GPAA1: variants seen among roughly 807,000 people sequenced by gnomAD.
The protein encoded by GPAA1 is glycosylphosphatidylinositol anchor attachment 1, also known as GPI-anchor transamidase component GPAA1.
A neutral mutation model predicts 64.0 loss-of-function variants in GPAA1; 54 were observed. That is an observed-to-expected ratio of 0.84 (90% CI 0.68 to 1.06). GPAA1 has a LOEUF of 1.06. GPAA1 is among the 50% of genes least tolerant of loss of function. The pLI, the probability that GPAA1 is intolerant of heterozygous loss-of-function variation, is 0.00. For missense variants in GPAA1, 780 were observed against 822.3 expected, an observed-to-expected ratio of 0.95 and a Z score of 0.63; for synonymous variants, 393 against 377.3, an observed-to-expected ratio of 1.04 and a Z score of -0.48.
At position 144,085,273 on chromosome 8, in the gene GPAA1, C is replaced by T. The variant is rs201194653; in HGVS notation, c.1261-16C>T. On this transcript the variant is annotated splice_polypyrimidine_tract_variant and intron_variant, in intron 9 of 11. Transcript: ENST00000355091. ...TGGCCCCAGGGTCCATCTCCAAGAG[C>T]CTGTGTGCCCTGCAGGGTGTGGGGC... 129 of 1,584,072 alleles carry T rather than the reference C, an allele frequency of 8.1e-5. No individual in the cohort carries two copies. Among genetic ancestry groups the T allele is most frequent in the Non-Finnish European group, 1.0e-4 (121 of 1,163,188 alleles).
chr8:144,083,138 T>C lies in GPAA1; in HGVS notation c.89T>C (p.Val30Ala), dbSNP rs782044661. 4 of 1,612,218 alleles carry C rather than the reference T, an allele frequency of 2.5e-6. No homozygotes were observed. Among genetic ancestry groups the C allele is most frequent in the South Asian group, 1.1e-5 (1 of 91,026 alleles). The part of the protein sequence containing the change: ...LNAPLCVLSY[V>A]AGIAWFLALV... The stretch of plus-strand genomic sequence containing the variant: ...CTCTCTCACAGCGTGCTGAGCTACG[T>C]GGCGGGCATCGCCTGGTTCTTGGCG... The change falls in exon 2 of 12, where the codon GTG (valine) becomes GCG (alanine). Residue 30 changes from valine (V) to alanine (A), a missense_variant. Coordinates refer to ENST00000355091, the MANE Select transcript of GPAA1 (RefSeq NM_003801.4).
At chr8:144,082,987 G>A in intron 1 of GPAA1, 137 bp from the exon 2 acceptor site, 1 of 917,020 alleles carries the variant, frequency 1.1e-6, no homozygotes, top group East Asian at 2.7e-5. Context: ...TAGGGCTCGG[G>A]TCCGGCGTCC....
chr8:144,082,791 A>G lies in GPAA1; in HGVS notation c.61A>G (p.Asn21Asp), dbSNP rs1379131521. The G allele has an allele frequency of 1.4e-6, 2 of 1,465,320 alleles. 1 individual carries two copies. Among genetic ancestry groups the G allele is most frequent in the East Asian group, 6.0e-5 (2 of 33,388 alleles). The allele number at this position is 1,465,320 out of a possible 1,614,324, so 90.8% of individuals were successfully genotyped here. A position where few individuals can be genotyped will look rare whatever the true frequency, so the allele number is the denominator to read the frequency against. The change falls in exon 1 of 12, where the codon AAC (asparagine) becomes GAC (aspartate). Residue 21 changes from asparagine (N) to aspartate (D), a missense_variant. Transcript: ENST00000355091. ...GCTCGCCCGCCTAGTGCTGCGCCTC[A>G]ACGCGCCGTTGTGGTGAGGACAGGG... ...RALARLVLRL[N>D]APLCVLSYVA...
In GPAA1 at chr8:144,085,937, A is replaced by C. The variant is rs1835989212; in HGVS notation, c.1678A>C (p.Ser560Arg). The C allele has an allele frequency of 6.2e-7, 1 of 1,610,348 alleles. No individual in the cohort carries two copies. Among genetic ancestry groups the C allele is most frequent in the South Asian group, 1.1e-5 (1 of 91,072 alleles). ...LTSPAATLLG[S>R]LFLWRELQEA... ...CAGCCCGGCAGCCACGCTCCTTGGCAGCCTGTTCCTGTGGCGGGAGCTGCA... is the reference window on the plus strand; with the variant it reads ...CAGCCCGGCAGCCACGCTCCTTGGCCGCCTGTTCCTGTGGCGGGAGCTGCA... Residue 560 changes from serine to arginine, a missense_variant, in exon 12 of 12, where the codon AGC becomes CGC. Physicochemically the swap from Ser to Arg is moderately radical, Grantham distance 110. Coordinates refer to ENST00000355091, the MANE Select transcript of GPAA1 (RefSeq NM_003801.4).
In GPAA1 at chr8:144,084,131, C is replaced by T. The variant is rs781815628; in HGVS notation, c.617-3C>T. 135 of 1,613,380 alleles carry T rather than the reference C, an allele frequency of 8.4e-5. No homozygotes were observed. The highest frequency in any genetic ancestry group is 1.1e-4 in the Non-Finnish European group (133 of 1,179,834). ...ATTAGCACTCATTCACTTGCTCCTA[C>T]AGGCATGCAGTCGTCTCCCCTGCAG... On this transcript the variant is annotated splice_polypyrimidine_tract_variant and splice_region_variant and intron_variant, in intron 5 of 11. Coordinates refer to ENST00000355091, the MANE Select transcript of GPAA1 (RefSeq NM_003801.4).
At position 144,085,141 on chromosome 8, in the gene GPAA1, G is replaced by C. The variant is rs782701264; in HGVS notation, c.1260+3G>C. The C allele has an allele frequency of 2.6e-6, 4 of 1,549,712 alleles. No individual in the cohort carries two copies. In the Admixed American group the frequency reaches 7.4e-5, roughly 29 times the overall value. On this transcript the variant is annotated splice_donor_region_variant and intron_variant, in intron 9 of 11. Coordinates refer to ENST00000355091, the MANE Select transcript of GPAA1 (RefSeq NM_003801.4). ...GTGTACCCCTTCCCCCATCACAGGT[G>C]ATGGCACCCCCTTCTGTTGTTGGAA...
chr8:144,086,164 A>AC lies in GPAA1; in HGVS notation c.*43dup. The AC allele has an allele frequency of 6.3e-7, 1 of 1,589,936 alleles. No homozygotes were observed. Among genetic ancestry groups the AC allele is most frequent in the Non-Finnish European group, 8.6e-7 (1 of 1,164,862 alleles). ...GGGCTGGGACAGAGACTCCCCAAGG[A>AC]CCCCATTCTGCCTCCTTCTGGGGAA... On this transcript the variant is annotated 3_prime_UTR_variant, in exon 12 of 12. Coordinates refer to ENST00000355091, the MANE Select transcript of GPAA1 (RefSeq NM_003801.4).
At chr8:144,083,887 G>T in intron 4 of GPAA1, 26 bp downstream of exon 4, 1 of 1,613,782 alleles carries the variant, frequency 6.2e-7, no homozygotes, top group Non-Finnish European at 8.5e-7. Flanking sequence ...GCTGGCCGTG[G>T]AGGGGTTTGG....
rs782471495 is a variant in GPAA1 at position 144,083,792 on chromosome 8, C to G, written c.445C>G (p.Pro149Ala). ...ASTESLVLTV[P>A]CGSDSTNSQA... ...CACCGAGTCGCTTGTGCTCACCGTG[C>G]CCTGTGGCTCTGACTCTACCAACAG... Residue 149 changes from proline (P) to alanine (A), a missense_variant, in exon 4 of 12, where the codon CCC (proline) becomes GCC (alanine). Pro to Ala is a conservative substitution (Grantham distance 27, BLOSUM62 -1). Transcript: ENST00000355091. 1.2e-6 allele frequency: 2 copies of G among 1,608,678 alleles called. No individual in the cohort carries two copies. Among genetic ancestry groups the G allele is most frequent in the Admixed American group, 3.3e-5 (2 of 60,000 alleles).
chr8:144,084,736 T>C lies in GPAA1; in HGVS notation c.1025T>C (p.Met342Thr). 2.5e-6 allele frequency: 4 copies of C among 1,613,898 alleles called. No individual in the cohort carries two copies. Among genetic ancestry groups the C allele is most frequent in the Non-Finnish European group, 3.4e-6 (4 of 1,179,992 alleles). ...ACACCTGACAGGGCTTTGGAGGGCA[T>C]GTTCCGCAAGCTCAACCACCTCCTG... ...LVAVGKALEG[M>T]FRKLNHLLER... Residue 342 changes from methionine to threonine, a missense_variant, in exon 8 of 12, where the codon ATG (methionine) becomes ACG (threonine). Coordinates refer to ENST00000355091, the MANE Select transcript of GPAA1 (RefSeq NM_003801.4).
rs1036627766 is a variant in GPAA1 at position 144,082,666 on chromosome 8, C to G, written c.-65C>G. On this transcript the variant is annotated 5_prime_UTR_variant, in exon 1 of 12. Coordinates refer to ENST00000355091, the MANE Select transcript of GPAA1 (RefSeq NM_003801.4). ...GGTCCCCGGGTCTGACAGGAGCAGCCTGTGGGCACCGCGGCGGTAGTTGGA... is the reference window on the plus strand; with the variant it reads ...GGTCCCCGGGTCTGACAGGAGCAGCGTGTGGGCACCGCGGCGGTAGTTGGA... The G allele has an allele frequency of 7.3e-4, 907 of 1,248,428 alleles. 14 individuals are homozygous for G. The highest frequency in any genetic ancestry group is 1.6e-3 in the Middle Eastern group (6 of 3,682). The allele number at this position is 1,248,428 out of a possible 1,614,324, so 77.3% of individuals were successfully genotyped here. A position where few individuals can be genotyped will look rare whatever the true frequency, so the allele number is the denominator to read the frequency against.
chr8:144,084,115 C>T lies in GPAA1; in HGVS notation c.617-19C>T, dbSNP rs782165866. On this transcript the variant is annotated intron_variant, in intron 5 of 11. Transcript: ENST00000355091. Reference sequence around the variant, plus strand: ...CCTCACCACGTCCTCCATTAGCACTCATTCACTTGCTCCTACAGGCATGCA... The same window carrying T: ...CCTCACCACGTCCTCCATTAGCACTTATTCACTTGCTCCTACAGGCATGCA... The T allele has an allele frequency of 5.0e-6, 8 of 1,612,598 alleles. No individual in the cohort carries two copies. In the South Asian group the frequency reaches 5.5e-5, roughly 11 times the overall value.
Position 144,083,711 on chromosome 8 carries a change from C to T in GPAA1, c.367-3C>T, listed in dbSNP as rs1554763872. 6.2e-7 allele frequency: 1 copy of T among 1,601,202 alleles called. No homozygotes were observed. Among genetic ancestry groups the T allele is most frequent in the East Asian group, 2.2e-5 (1 of 44,838 alleles). On this transcript the variant is annotated splice_region_variant and splice_polypyrimidine_tract_variant and intron_variant, in intron 3 of 11. Transcript: ENST00000355091. ...AGGCTCCCCCCACCGATGCTGCATA[C>T]AGATGGTGTCGGGCACCAACGTGTA...
chr8:144,085,707 T>G lies in GPAA1; in HGVS notation c.1586T>G (p.Val529Gly). The G allele has an allele frequency of 6.2e-7, 1 of 1,613,356 alleles. No individual in the cohort carries two copies. Among genetic ancestry groups the G allele is most frequent in the Admixed American group, 1.7e-5 (1 of 60,030 alleles). ...GGCTTCCTGCTGGCCACCACCATGG[T>G]GCCCACTGCTGCGCTTGCCAAGCCT... ...SLGFLLATTM[V>G]PTAALAKPHG... The change falls in exon 11 of 12, where the codon GTG becomes GGG. Residue 529 changes from valine to glycine, a missense_variant. Coordinates refer to ENST00000355091, the MANE Select transcript of GPAA1 (RefSeq NM_003801.4).
Position 144,085,486 on chromosome 8 carries a change from G to A in GPAA1, c.1451+7G>A, listed in dbSNP as rs1554764234. On this transcript the variant is annotated splice_region_variant and intron_variant, in intron 10 of 11. Coordinates refer to ENST00000355091, the MANE Select transcript of GPAA1 (RefSeq NM_003801.4). ...TGCCCCACAATACCCACCGGTAAGA[G>A]GCTGGGCTGGTTGTTGGGGGCAGGG... 1.2e-6 allele frequency: 2 copies of A among 1,603,968 alleles called. No individual in the cohort carries two copies. The highest frequency in any genetic ancestry group is 1.1e-5 in the South Asian group (1 of 91,066).
intron 6 of GPAA1, 24 bp downstream of exon 6, chr8:144,084,354 G>C (rs370831534): frequency 3.7e-6 from 6 of 1,612,334 alleles, no homozygotes; most frequent in East Asian, 2.2e-5. Context: ...CCTGCCTGAG[G>C]GCTGAAGGGC....
In GPAA1 at chr8:144,086,016, C is replaced by T; in HGVS notation, c.1757C>T (p.Ala586Val). The T allele has an allele frequency of 1.9e-6, 3 of 1,611,786 alleles. No individual in the cohort carries two copies. The highest frequency in any genetic ancestry group is 2.5e-6 in the Non-Finnish European group (3 of 1,179,958). The change falls in exon 12 of 12, where the codon GCC (alanine) becomes GTC (valine). Residue 586 changes from alanine (A) to valine (V), a missense_variant. By Grantham distance (64) the Ala-to-Val change is moderately conservative. Transcript: ENST00000355091. ...EGWQLFLAAL[A>V]QGVLEHHTYG... ...TGGCAGCTCTTCCTGGCAGCGCTAGCCCAGGGTGTGCTGGAGCACCACACC... is the reference window on the plus strand; with the variant it reads ...TGGCAGCTCTTCCTGGCAGCGCTAGTCCAGGGTGTGCTGGAGCACCACACC...
rs1554763907 is a variant in GPAA1, at chr8:144,083,815, C to G, written c.468C>G (p.Asn156Lys). Residue 156 changes from asparagine (N) to lysine (K), a missense_variant, in exon 4 of 12, where the codon AAC (asparagine) becomes AAG (lysine). Coordinates refer to ENST00000355091, the MANE Select transcript of GPAA1 (RefSeq NM_003801.4). ...TGCCCTGTGGCTCTGACTCTACCAA[C>G]AGCCAGGCTGTGGGGCTGCTGCTGG... is the stretch of plus-strand genomic sequence containing the variant. ...LTVPCGSDST[N>K]SQAVGLLLAL... The G allele has an allele frequency of 1.9e-6, 3 of 1,610,618 alleles. No homozygotes were observed. Among genetic ancestry groups the G allele is most frequent in the South Asian group, 2.2e-5 (2 of 91,086 alleles).
At position 144,084,811 on chromosome 8, in the gene GPAA1, G is replaced by T; in HGVS notation, c.1100G>T (p.Arg367Leu). 2 of 1,613,552 alleles carry T rather than the reference G, an allele frequency of 1.2e-6. No individual in the cohort carries two copies. Among genetic ancestry groups the T allele is most frequent in the East Asian group, 2.2e-5 (1 of 44,890 alleles). The change falls in exon 8 of 12, where the codon CGC (arginine) becomes CTC (leucine). Residue 367 changes from arginine (R) to leucine (L), a missense_variant. Transcript: ENST00000355091. ...FFLYLLPGLSRFVSIGLYMPA... is the reference protein window; with the variant it reads ...FFLYLLPGLSLFVSIGLYMPA... ...CTCTACTTGCTCCCCGGCCTCTCCC[G>T]CTTCGTCTCCATCGGCCTCTACATG...
Sources: allele counts gnomAD v4.1 joint callset, GRCh38; gene constraint gnomAD v4.1.1; transcripts MANE v1.5; gene names NCBI Gene and HGNC (gene_info 2026-07-23, HGNC 2026-07-21).